REV3L: variants seen among roughly 807,000 people sequenced by gnomAD.
REV3L encodes DNA polymerase zeta catalytic subunit.
In REV3L, 69 loss-of-function variants were observed where a neutral mutation model predicts 299.4. The observed-to-expected ratio is 0.23, with a 90% CI of 0.19 to 0.28. REV3L has a LOEUF of 0.28. Ranked by LOEUF, REV3L falls within the 10% of genes least tolerant of loss-of-function variation. The probability of loss-of-function intolerance (pLI) is 1.00; values close to 1 mark genes in which losing one functional copy is unlikely to be tolerated. For synonymous variants in REV3L, 1,238 were observed against 1,271.4 expected, an observed-to-expected ratio of 0.97 and a Z score of 0.56; for missense variants, 3,128 against 3,693.8, an observed-to-expected ratio of 0.85 and a Z score of 3.97.
chr6:111,417,549 CT>C (rs1784903525), intron 1 of REV3L, among the ~76,000 whole-genome samples: 1 of 152,176 alleles, frequency 6.6e-6, no homozygotes, highest in Admixed American at 6.5e-5. Context: ...CCCCTTATCC[CT>C]CCTCACTCTG....
intron 16 of REV3L, among the ~76,000 whole-genome samples, chr6:111,362,432 G>A (rs911775740): frequency 2.6e-5 from 4 of 152,094 alleles, no homozygotes; most frequent in Non-Finnish European, 5.9e-5. Flanking sequence ...ATAACTTAAA[G>A]GTGGTTACTA....
chr6:111,332,642 GTATC>G (rs1336958577), intron 23 of REV3L, among the ~76,000 whole-genome samples: 2 of 151,846 alleles, frequency 1.3e-5, no homozygotes, highest in African/African-American at 2.4e-5. Flanking sequence ...TTTAAGAAAA[GTATC>G]TAATCCTTTG....
At chr6:111,304,108 C>T (rs1465151812) in intron 31 of REV3L, among the ~76,000 whole-genome samples, 1 of 150,664 alleles carries the variant, frequency 6.6e-6, no homozygotes, top group East Asian at 2.0e-4. Flanking sequence ...CAAGGTCTGA[C>T]TTATAATGTT....
chr6:111,436,039 A>C (rs189873218), intron 1 of REV3L, among the ~76,000 whole-genome samples: 86 of 152,362 alleles, frequency 5.6e-4, no homozygotes, highest in Non-Finnish European at 2.8e-4. Flanking sequence ...AAAAATGGCC[A>C]GACACATGAA....
In REV3L at chr6:111,373,622, G is replaced by A. The variant is rs779268044; in HGVS notation, c.4733C>T (p.Thr1578Met). 8.7e-6 allele frequency: 14 copies of A among 1,614,122 alleles called. No homozygotes were observed. The highest frequency in any genetic ancestry group is 1.3e-5 in the African/African-American group (1 of 75,032). Residue 1578 changes from threonine to methionine, a missense_variant, in exon 13 of 32, where the codon ACG becomes ATG. Physicochemically the swap from Thr to Met is moderately conservative, Grantham distance 81. Around this residue, in one of 9 missense-constraint regions of REV3L, gnomAD observed 2,409 missense variants for 2,611.8 expected, o/e 0.92. Transcript: ENST00000368802. ...NKANKRTRSVTSPRKPRTPRS... is the reference protein window; with the variant it reads ...NKANKRTRSVMSPRKPRTPRS... ...GGGAGTTCGAGGTTTTCTTGGGGAC[G>A]TTACCGATCGTGTCCGTTTATTTGC...
At chr6:111,315,434 T>C in intron 26 of REV3L, 53 bp from the exon 27 acceptor site, 1 of 1,419,920 alleles carries the variant, frequency 7.0e-7, no homozygotes, top group Non-Finnish European at 9.8e-7. Flanking sequence ...ATAACAAAAA[T>C]TTTATCAAGA....
chr6:111,387,123 A>G (rs972679261), intron 9 of REV3L, among the ~76,000 whole-genome samples: 1 of 152,344 alleles, frequency 6.6e-6, no homozygotes, highest in African/African-American at 2.4e-5. Context: ...ACTGATAGAT[A>G]CTACAACATG....
intron 16 of REV3L, among the ~76,000 whole-genome samples, chr6:111,359,863 T>C (rs890156334): frequency 2.0e-5 from 3 of 152,214 alleles, no homozygotes; most frequent in Non-Finnish European, 2.9e-5. Context: ...AAAGGATTTG[T>C]GTTTTGTATT....
chr6:111,322,748 T>TA, intron 25 of REV3L, 70 bp from the exon 26 acceptor site: 1 of 985,798 alleles, frequency 1.0e-6, no homozygotes, highest in East Asian at 2.5e-5. Flanking sequence ...CTTTAACATA[T>TA]AATACATTTA....
At chr6:111,329,509 A>C in intron 25 of REV3L, 23 bp downstream of exon 25, 1 of 1,610,404 alleles carries the variant, frequency 6.2e-7, no homozygotes, top group Non-Finnish European at 8.5e-7. Context: ...CTTTTGAAAA[A>C]ACTACAGATT....
At chr6:111,390,656 C>T (rs1398784454) in intron 5 of REV3L, among the ~76,000 whole-genome samples, 1 of 152,160 alleles carries the variant, frequency 6.6e-6, no homozygotes, top group Non-Finnish European at 1.5e-5. Context: ...ACCATTCTTC[C>T]TGCCCTCAAC....
At position 111,392,985 on chromosome 6, in the gene REV3L, A is replaced by G; in HGVS notation, c.566-13T>C. On this transcript the variant is annotated splice_polypyrimidine_tract_variant and intron_variant, in intron 4 of 31. Transcript: ENST00000368802. ...TGCAATGTATTACCTAGGAATAGAA[A>G]GGTAAAAGGAATAAATTCTACTTTC... 1.4e-5 allele frequency: 21 copies of G among 1,527,698 alleles called. No individual in the cohort carries two copies. Among genetic ancestry groups the G allele is most frequent in the Non-Finnish European group, 1.9e-5 (21 of 1,107,132 alleles). 94.6% of individuals were successfully genotyped at this position (1,527,698 alleles called of 1,614,324 possible). A position where few individuals can be genotyped will look rare whatever the true frequency, so the allele number is the denominator to read the frequency against.
intron 21 of REV3L, among the ~76,000 whole-genome samples, chr6:111,342,965 C>T (rs1448703084): frequency 6.6e-6 from 1 of 152,130 alleles, no homozygotes; most frequent in Admixed American, 6.6e-5. Flanking sequence ...GAAATAAAGA[C>T]ATCTTCATAT....
At chr6:111,455,458 T>C (rs1259826987) in intron 1 of REV3L, among the ~76,000 whole-genome samples, 3 of 152,178 alleles carry the variant, frequency 2.0e-5, no homozygotes, top group Non-Finnish European at 2.9e-5. Flanking sequence ...GCTGAAAAGG[T>C]AGGCAGGTGC....
chr6:111,429,269 C>T (rs1036777295), intron 1 of REV3L, among the ~76,000 whole-genome samples: 7 of 152,148 alleles, frequency 4.6e-5, no homozygotes, highest in African/African-American at 1.7e-4. Flanking sequence ...CCATCTCTGC[C>T]TCCCAAAGTG....
chr6:111,424,629 C>T (rs1785951334), intron 1 of REV3L, among the ~76,000 whole-genome samples: 1 of 152,166 alleles, frequency 6.6e-6, no homozygotes, highest in African/African-American at 2.4e-5. Context: ...AGCAGCCAGG[C>T]AGCCACTGGA....
chr6:111,371,349 C>CTG (rs1293470323), intron 13 of REV3L, among the ~76,000 whole-genome samples: 2 of 152,182 alleles, frequency 1.3e-5, no homozygotes, highest in African/African-American at 2.4e-5. Flanking sequence ...TTGCTATTTG[C>CTG]TGTGTGTGTG....
intron 1 of REV3L, among the ~76,000 whole-genome samples, chr6:111,450,200 CG>C (rs1385261336): frequency 1.3e-5 from 2 of 151,958 alleles, no homozygotes; most frequent in African/African-American, 4.8e-5. Context: ...AGGCTGGGTG[CG>C]GGTGTGGTGG....
intron 9 of REV3L, 160 bp downstream of exon 9, chr6:111,387,605 A>C: frequency 8.3e-6 from 5 of 604,110 alleles, no homozygotes; most frequent in Non-Finnish European, 1.2e-5. Context: ...GCTTACCTTT[A>C]GAGATGTAGA....
Sources: allele counts gnomAD v4.1 joint callset (sites outside exome capture counted in the v4.1 genomes callset), GRCh38; gene constraint gnomAD v4.1.1; regional missense constraint gnomAD v4.1.1; transcripts MANE v1.5; gene names NCBI Gene and HGNC (gene_info 2026-07-23, HGNC 2026-07-21).